Variants in CCDC102B observed in about 807,000 individuals in gnomAD.
CCDC102B encodes the protein coiled-coil domain containing 102B.
In CCDC102B, 75 loss-of-function variants were observed where a neutral mutation model predicts 57.4. The observed-to-expected ratio is 1.31, with a 90% CI of 1.08 to 1.58. The LOEUF (loss-of-function observed/expected upper bound fraction) is 1.58. Ranked by LOEUF, CCDC102B falls within the 40% of genes most tolerant of loss-of-function variation. CCDC102B has a pLI of 0.00. For synonymous variants in CCDC102B, 206 were observed against 201.9 expected (o/e 1.02, Z -0.17); for missense variants, 636 against 582.6 (o/e 1.09, Z -0.94).
At chr18:68,977,634 C>T (rs930611393) in intron 6 of CCDC102B, among the ~76,000 whole-genome samples, 24 of 150,940 alleles carry the variant, frequency 1.6e-4, no homozygotes, top group African/African-American at 5.8e-4. Flanking sequence ...AATGTTTTAA[C>T]ATTAAATATG....
At chr18:68,970,760 C>T (rs2050281449) in intron 6 of CCDC102B, among the ~76,000 whole-genome samples, 1 of 151,942 alleles carries the variant, frequency 6.6e-6, no homozygotes, top group African/African-American at 2.4e-5. Flanking sequence ...CATCGTCTGT[C>T]TAACCTGAAA....
intron 1 of CCDC102B, among the ~76,000 whole-genome samples, chr18:68,803,363 G>C (rs1157899694): frequency 1.3e-5 from 2 of 151,962 alleles, no homozygotes; most frequent in Non-Finnish European, 2.9e-5. Context: ...TCCATACATA[G>C]TATATAAATA....
chr18:68,897,507 A>G, intron 6 of CCDC102B, 79 bp downstream of exon 6: 2 of 1,548,342 alleles, frequency 1.3e-6, no homozygotes, highest in Non-Finnish European at 8.9e-7. Context: ...TCACTCGTAC[A>G]CGCCTCCACA....
rs2034397468 is a variant in CCDC102B at position 68,765,312 on chromosome 18, G to GAAAAA, written c.-67+48718_-67+48719insAAAAA. Among the ~76,000 whole-genome samples the GAAAAA allele has an allele frequency of 4.7e-4, 47 of 100,764 alleles. 1 individual carries two copies. The highest frequency in any genetic ancestry group is 1.1e-3 in the African/African-American group (24 of 22,526). The allele number at this position is 100,764 out of a possible 152,430, so 66.1% of individuals were successfully genotyped here. Reference sequence around the variant, plus strand: ...AGAAAGAAAGGAAGGAAGGAAGGAAGGAAGGAAGGAAGGAAAGAAAGAAAG... The same window carrying GAAAAA: ...AGAAAGAAAGGAAGGAAGGAAGGAAGAAAAAGAAGGAAGGAAGGAAAGAAAGAAAG... On this transcript the variant is annotated intron_variant, in intron 2 of 3. Coordinates refer to the CCDC102B transcript ENST00000578970.
intron 2 of CCDC102B, among the ~76,000 whole-genome samples, chr18:68,759,730 C>T (rs1024596105): frequency 6.6e-6 from 1 of 151,684 alleles, no homozygotes; most frequent in Non-Finnish European, 1.5e-5. Flanking sequence ...GGGAGTAAAC[C>T]GAAAGAGAAA....
At chr18:69,043,412 G>T (rs972557758) in intron 7 of CCDC102B, among the ~76,000 whole-genome samples, 21 of 152,136 alleles carry the variant, frequency 1.4e-4, no homozygotes, top group South Asian at 4.1e-4. Flanking sequence ...TGGGTGTCGG[G>T]CTTGGGGACG....
chr18:68,929,610 T>C (rs1171095669), intron 6 of CCDC102B, among the ~76,000 whole-genome samples: 1 of 151,932 alleles, frequency 6.6e-6, no homozygotes, highest in African/African-American at 2.4e-5. Context: ...TCCTGGTAGT[T>C]AGTGTGTCCA....
At chr18:68,837,820 G>A (rs2037450795) in intron 2 of CCDC102B, among the ~76,000 whole-genome samples, 1 of 152,126 alleles carries the variant, frequency 6.6e-6, no homozygotes, top group Non-Finnish European at 1.5e-5. Context: ...ATATGTATAT[G>A]TATCCTTCGT....
intron 6 of CCDC102B, among the ~76,000 whole-genome samples, chr18:68,959,072 G>A (rs531735020): frequency 6.6e-6 from 1 of 152,244 alleles, no homozygotes; most frequent in Non-Finnish European, 1.5e-5. Context: ...ATGTTCATCA[G>A]TGTGTGGGCA....
At position 68,880,437 on chromosome 18, in the gene CCDC102B, G is replaced by A. The variant is rs188043583; in HGVS notation, c.1053+5652G>A. ...CCAGCCTTGGCCAGCCCAGAAAGGG[G>A]CTCCCACAGTGCAGCGGTGGGCTGA... On this transcript the variant is annotated intron_variant, in intron 5 of 7. Coordinates refer to ENST00000360242, the MANE Select transcript of CCDC102B (RefSeq NM_024781.3). Among the ~76,000 whole-genome samples the A allele has an allele frequency of 3.9e-5, 6 of 152,310 alleles. No individual in the cohort carries two copies. In the South Asian group the frequency reaches 8.3e-4, roughly 21 times the overall value.
chr18:68,784,467 T>G (rs1209442551), intron 2 of CCDC102B, among the ~76,000 whole-genome samples: 1 of 152,090 alleles, frequency 6.6e-6, no homozygotes, highest in Non-Finnish European at 1.5e-5. Flanking sequence ...ACACTGGGGA[T>G]TACAATTCGA....
intron 2 of CCDC102B, among the ~76,000 whole-genome samples, chr18:68,781,970 T>C (rs1209996039): frequency 2.0e-5 from 3 of 152,138 alleles, no homozygotes; most frequent in African/African-American, 7.2e-5. Flanking sequence ...ATACTGAAGC[T>C]ACTTTTATTA....
At chr18:68,958,295 T>C (rs933975626) in intron 6 of CCDC102B, among the ~76,000 whole-genome samples, 2 of 152,200 alleles carry the variant, frequency 1.3e-5, no homozygotes, top group Admixed American at 1.3e-4. Context: ...GGATGTTGAA[T>C]TATATCAAAT....
rs9941443 is a variant in CCDC102B at position 68,716,188 on chromosome 18, C to T, written c.-133-340C>T. Among the ~76,000 whole-genome samples, 432 of 151,722 alleles carry T rather than the reference C, an allele frequency of 2.8e-3. 4 individuals are homozygous for T. Among genetic ancestry groups the T allele is most frequent in the African/African-American group, 9.8e-3 (406 of 41,342 alleles). On this transcript the variant is annotated intron_variant, in intron 1 of 3. Transcript: ENST00000578970. ...TGTTGAAATGATGGGAATGTTCTCCCGGTGGTGGTGGAACAGCTTTATAAT... is the reference window on the plus strand; with the variant it reads ...TGTTGAAATGATGGGAATGTTCTCCTGGTGGTGGTGGAACAGCTTTATAAT...
At chr18:69,037,050 C>CACAT (rs923567166) in intron 7 of CCDC102B, among the ~76,000 whole-genome samples, 6 of 149,726 alleles carry the variant, frequency 4.0e-5, no homozygotes, top group African/African-American at 1.5e-4. Flanking sequence ...CACACACACA[C>CACAT]ACATACATAC....
chr18:68,968,190 C>T (rs1198342798), intron 6 of CCDC102B, among the ~76,000 whole-genome samples: 1 of 152,112 alleles, frequency 6.6e-6, no homozygotes, highest in African/African-American at 2.4e-5. Flanking sequence ...ATGATATAGC[C>T]TACTACACAT....
At chr18:68,995,578 C>T (rs4632233) in intron 6 of CCDC102B, among the ~76,000 whole-genome samples, 130,610 of 152,012 alleles carry the variant, frequency 0.86, 58,004 homozygotes, top group Non-Finnish European at 0.97. Flanking sequence ...ACATGGTGTT[C>T]GGCCTGTAGG....
intron 2 of CCDC102B, among the ~76,000 whole-genome samples, chr18:68,736,968 C>T (rs565131101): frequency 3.3e-5 from 5 of 151,812 alleles, no homozygotes; most frequent in South Asian, 2.1e-4. Context: ...TGGCGAGTGA[C>T]GATGATATCC....
intron 2 of CCDC102B, among the ~76,000 whole-genome samples, chr18:68,736,278 C>G (rs772823632): frequency 2.0e-5 from 3 of 152,044 alleles, no homozygotes; most frequent in Admixed American, 6.5e-5. Flanking sequence ...TGAATCCTAA[C>G]CAAATTTTAA....
Sources: allele counts gnomAD v4.1 joint callset (sites outside exome capture counted in the v4.1 genomes callset), GRCh38; gene constraint gnomAD v4.1.1; transcripts MANE v1.5; gene names NCBI Gene and HGNC (gene_info 2026-07-23, HGNC 2026-07-21).